SLC38A8: variants seen among roughly 807,000 people sequenced by gnomAD.
SLC38A8 encodes the protein solute carrier family 38 member 8.
Under a neutral mutation model 46.0 loss-of-function variants are expected in SLC38A8, and 65 were observed. That is an observed-to-expected ratio of 1.41 (90% CI 1.16 to 1.74). The LOEUF (loss-of-function observed/expected upper bound fraction) is 1.74. Ranked by LOEUF, SLC38A8 falls within the 40% of genes most tolerant of loss-of-function variation. The pLI, the probability that SLC38A8 is intolerant of heterozygous loss-of-function variation, is 0.00. For synonymous variants in SLC38A8, 447 were observed against 243.7 expected (o/e 1.83, Z -7.77); for missense variants, 998 against 567.9 (o/e 1.76, Z -7.70).
intron 2 of SLC38A8, 142 bp from the exon 3 acceptor site, chr16:84,037,042 C>A: frequency 1.3e-6 from 1 of 799,330 alleles, no homozygotes; most frequent in Non-Finnish European, 2.0e-6. Context: ...TGGCAGTCTA[C>A]CAGCTATGTC....
At chr16:84,019,190 T>C (rs2085068001) in intron 7 of SLC38A8, among the ~76,000 whole-genome samples, 1 of 152,072 alleles carries the variant, frequency 6.6e-6, no homozygotes, top group Non-Finnish European at 1.5e-5. Flanking sequence ...TTATCTTGCC[T>C]CAGCCTCCTG....
At chr16:84,043,210 G>A (rs995882070), upstream of SLC38A8, among the ~76,000 whole-genome samples, 2 of 152,202 alleles carry the variant, frequency 1.3e-5, no homozygotes, top group African/African-American at 2.4e-5. Flanking sequence ...GGAGGCGGCG[G>A]CTGCTGGTCC....
chr16:84,030,930 A>G (rs1489107314), intron 5 of SLC38A8, among the ~76,000 whole-genome samples: 1 of 152,172 alleles, frequency 6.6e-6, no homozygotes, highest in Non-Finnish European at 1.5e-5. Context: ...CCTCCTCTGA[A>G]GCCACCAGGT....
intron 2 of SLC38A8, among the ~76,000 whole-genome samples, chr16:84,041,648 A>G (rs186907164): frequency 1.8e-4 from 28 of 152,272 alleles, no homozygotes; most frequent in Non-Finnish European, 3.5e-4. Flanking sequence ...AGCAGGCAAG[A>G]AAGAGCAGCT....
At chr16:84,016,931 G>A (rs548262508) in intron 8 of SLC38A8, among the ~76,000 whole-genome samples, 10 of 152,322 alleles carry the variant, frequency 6.6e-5, no homozygotes, top group African/African-American at 9.6e-5. Context: ...GATGAAGCAC[G>A]TGGTTCGCAT....
At chr16:84,029,668 A>G in intron 5 of SLC38A8, 117 bp from the exon 6 acceptor site, 1 of 1,018,620 alleles carries the variant, frequency 9.8e-7, no homozygotes, top group Non-Finnish European at 1.5e-6. Context: ...TGGCTGCAAG[A>G]TGTATTTTTA....
chr16:84,022,690 A>G (rs1228053511), intron 7 of SLC38A8, 85 bp downstream of exon 7: 2 of 1,054,794 alleles, frequency 1.9e-6, no homozygotes, highest in Admixed American at 4.2e-5. Flanking sequence ...AGCACGTGGT[A>G]AACTCTCTAG....
At chr16:84,020,623 G>A (rs1010461342) in intron 7 of SLC38A8, among the ~76,000 whole-genome samples, 1 of 152,186 alleles carries the variant, frequency 6.6e-6, no homozygotes, top group Non-Finnish European at 1.5e-5. Flanking sequence ...GTGCAGCGAG[G>A]ATCTCTGTGC....
At chr16:84,040,293 C>G (rs1258222455) in intron 2 of SLC38A8, among the ~76,000 whole-genome samples, 4 of 152,232 alleles carry the variant, frequency 2.6e-5, no homozygotes, top group African/African-American at 9.6e-5. Context: ...CTCCTCTGCT[C>G]TGCCATGAGT....
chr16:84,030,614 C>G (rs1156343201), intron 5 of SLC38A8, among the ~76,000 whole-genome samples: 1 of 152,134 alleles, frequency 6.6e-6, no homozygotes, highest in Admixed American at 6.6e-5. Context: ...CCTCTCTAAT[C>G]CAGGAAACAG....
At chr16:84,033,787 G>A (rs1355977053) in intron 3 of SLC38A8, among the ~76,000 whole-genome samples, 4 of 152,164 alleles carry the variant, frequency 2.6e-5, no homozygotes, top group Non-Finnish European at 4.4e-5. Context: ...AGACTCTTTT[G>A]GTTTCGTTCG....
intron 2 of SLC38A8, among the ~76,000 whole-genome samples, chr16:84,038,109 G>A (rs940838556): frequency 1.3e-5 from 2 of 152,152 alleles, no homozygotes; most frequent in East Asian, 1.9e-4. Context: ...TCGGGAGTTT[G>A]AGACCAGCCT....
At chr16:84,018,326 G>A (rs927787393) in intron 7 of SLC38A8, among the ~76,000 whole-genome samples, 6 of 145,052 alleles carry the variant, frequency 4.1e-5, no homozygotes, top group Middle Eastern at 3.7e-3. Context: ...TCCGCCTCCT[G>A]GGTTCACGCC....
chr16:84,036,959 C>T (rs2085307748), intron 2 of SLC38A8, 59 bp from the exon 3 acceptor site: 5 of 1,493,690 alleles, frequency 3.3e-6, no homozygotes, highest in South Asian at 2.4e-5. Flanking sequence ...CCACCCCCAG[C>T]CAGCCACCCC....
At chr16:84,012,215 G>T (rs1207443847) in intron 10 of SLC38A8, among the ~76,000 whole-genome samples, 2 of 152,196 alleles carry the variant, frequency 1.3e-5, no homozygotes, top group Non-Finnish European at 2.9e-5. Flanking sequence ...CTATGGGATG[G>T]GAGGGAGTCA....
chr16:84,034,830 G>A (rs955305519), intron 3 of SLC38A8, among the ~76,000 whole-genome samples: 1 of 151,916 alleles, frequency 6.6e-6, no homozygotes, highest in African/African-American at 2.4e-5. Context: ...CCCTTTGTCT[G>A]CATCTGGACC....
In SLC38A8 at chr16:84,036,853, A is replaced by C; in HGVS notation, c.237T>G (p.Ala79=). Residue 79 remains alanine, a synonymous_variant, in exon 3 of 11, where the codon GCT becomes GCG. Coordinates refer to ENST00000299709, the MANE Select transcript of SLC38A8 (RefSeq NM_001080442.3). ...LISGLVILGY[A]AAVSGQATYQ... ...AGGTGGCCTGGCCACTGACAGCAGC[A>C]GCATAGCCCAGGATGACCAGCCCGC... 1 of 1,613,626 alleles carries C rather than the reference A, an allele frequency of 6.2e-7. No homozygotes were observed. The highest frequency in any genetic ancestry group is 1.1e-5 in the South Asian group (1 of 91,060).
At chr16:84,042,286 C>G in intron 1 of SLC38A8, 127 bp from the exon 2 acceptor site, 1 of 992,228 alleles carries the variant, frequency 1.0e-6, no homozygotes, top group Non-Finnish European at 1.4e-6. Flanking sequence ...GCTTCCTTGG[C>G]GTCAGCTCCC....
At chr16:84,025,981 G>A (rs914219635) in intron 6 of SLC38A8, among the ~76,000 whole-genome samples, 2 of 152,240 alleles carry the variant, frequency 1.3e-5, no homozygotes, top group African/African-American at 2.4e-5. Context: ...GGTCAGCCCT[G>A]TGGTCCTAGA....
Sources: gnomAD v4.1 joint callset for allele counts (sites outside exome capture counted in the v4.1 genomes callset) on GRCh38, gnomAD v4.1.1 for gene constraint, MANE v1.5 for transcripts, NCBI Gene and HGNC (gene_info 2026-07-23, HGNC 2026-07-21) for gene names.